UBALD1: variants seen among roughly 807,000 people sequenced by gnomAD.
UBALD1 encodes the protein UBA-like domain-containing protein 1.
A neutral mutation model predicts 16.1 loss-of-function variants in UBALD1; 5 were observed. That is an observed-to-expected ratio of 0.31 (90% CI 0.16 to 0.66). The LOEUF (loss-of-function observed/expected upper bound fraction) is 0.66. Among genes scored for constraint, UBALD1 ranks in the 30% least tolerant of loss-of-function variants. The pLI, the probability that UBALD1 is intolerant of heterozygous loss-of-function variation, is 0.77. For synonymous variants in UBALD1, 146 were observed against 105.3 expected (o/e 1.39, Z -2.37); for missense variants, 220 against 252.8 (o/e 0.87, Z 0.88).
chr16:4,614,275 C>T (rs551109519), intron 1 of UBALD1: 2 of 354,800 alleles, frequency 5.6e-6, no homozygotes, highest in South Asian at 3.0e-4. Context: ...GACCCTCGGA[C>T]CACTCGCCCG....
intron 2 of UBALD1, 177 bp from the exon 3 acceptor site, chr16:4,610,160 G>A (rs142066498): frequency 4.0e-5 from 29 of 729,142 alleles, no homozygotes; most frequent in Non-Finnish European, 6.3e-5. Context: ...GAGATGAACC[G>A]ACCCAGCCTC....
chr16:4,614,475 C>T, intron 1 of UBALD1: 2 of 801,020 alleles, frequency 2.5e-6, no homozygotes, highest in Non-Finnish European at 3.5e-6. Context: ...TATCCCCGAC[C>T]GGTGGCCCGG....
chr16:4,610,209 T>C (rs1279956191), intron 2 of UBALD1: 2 of 712,208 alleles, frequency 2.8e-6, no homozygotes, highest in African/African-American at 1.7e-5. Context: ...CACGAGGCTT[T>C]CCCAGCCCAC....
chr16:4,609,904 G>C lies in UBALD1; in HGVS notation c.263C>G (p.Ser88Cys). 1 of 1,591,624 alleles carries C rather than the reference G, an allele frequency of 6.3e-7. No homozygotes were observed. Among genetic ancestry groups the C allele is most frequent in the Non-Finnish European group, 8.6e-7 (1 of 1,168,612 alleles). Residue 88 changes from serine to cysteine, a missense_variant, in exon 3 of 3, where the codon TCC becomes TGC. Ser to Cys is a moderately radical substitution (Grantham distance 112). Transcript: ENST00000283474. Reference protein sequence around the residue: ...ALTMFSRLKASESFHSGGSGS... With the variant: ...ALTMFSRLKACESFHSGGSGS... Reference sequence around the variant, plus strand: ...GCTGCCACCGCTGTGGAAGCTCTCGGAGGCCTTGAGACGGGAGAACATGGT... The same window carrying C: ...GCTGCCACCGCTGTGGAAGCTCTCGCAGGCCTTGAGACGGGAGAACATGGT...
intron 1 of UBALD1, among the ~76,000 whole-genome samples, chr16:4,612,486 A>G (rs1897370538): frequency 6.6e-6 from 1 of 151,904 alleles, no homozygotes; most frequent in African/African-American, 2.4e-5. Context: ...ACCTTCCCAG[A>G]CCCCAAGACC....
intron 2 of UBALD1, 57 bp from the exon 3 acceptor site, chr16:4,610,040 C>A (rs1300606923): frequency 2.2e-6 from 3 of 1,343,246 alleles, no homozygotes; most frequent in Non-Finnish European, 3.1e-6. Context: ...GGGGCCCCCA[C>A]TGCCTCCCAA....
chr16:4,610,119 G>A (rs879692916), intron 2 of UBALD1, 136 bp from the exon 3 acceptor site: 72 of 795,216 alleles, frequency 9.1e-5, no homozygotes, highest in Non-Finnish European at 1.0e-4. Flanking sequence ...AAGCCTGTCC[G>A]CCGCCCAGGG....
chr16:4,614,337 T>TCCGG (rs1024859119), intron 1 of UBALD1: 25 of 365,954 alleles, frequency 6.8e-5, no homozygotes, highest in Non-Finnish European at 1.0e-4. Context: ...GCGTCCTCCT[T>TCCGG]CCGGCCGCCC....
chr16:4,610,250 G>C (rs756174878), intron 2 of UBALD1: 1 of 712,712 alleles, frequency 1.4e-6, no homozygotes, highest in Non-Finnish European at 2.5e-6. Context: ...ATCCCCGGGG[G>C]CTGTAGGGTA....
intron 1 of UBALD1, among the ~76,000 whole-genome samples, chr16:4,613,201 G>A (rs1312472755): frequency 6.6e-6 from 1 of 152,178 alleles, no homozygotes; most frequent in Non-Finnish European, 1.5e-5. Flanking sequence ...GATGAGGGCT[G>A]TGGAGACCAG....
chr16:4,614,777 C>T lies in UBALD1; in HGVS notation c.21G>A (p.Glu7=). MSVNMD[E]LKHQVMINQF... ...GGTTGATCATGACCTGGTGCTTGAG[C>T]TCGTCCATGTTCACGGACATGGCGC... Residue 7 remains glutamate (E), a synonymous_variant, in exon 1 of 3, where the codon GAG becomes GAA. Transcript: ENST00000283474. 2 of 1,535,050 alleles carry T rather than the reference C, an allele frequency of 1.3e-6. No individual in the cohort carries two copies. The highest frequency in any genetic ancestry group is 1.7e-6 in the Non-Finnish European group (2 of 1,143,020).
rs1368503942 is a variant in UBALD1, at chr16:4,614,815, C to A, written c.-18G>T. Reference sequence around the variant, plus strand: ...ACGGACATGGCGCCGCCGCGCTGCCCGCTCCGGCCTCCCTCCTCCGCCCGC... The same window carrying A: ...ACGGACATGGCGCCGCCGCGCTGCCAGCTCCGGCCTCCCTCCTCCGCCCGC... On this transcript the variant is annotated 5_prime_UTR_variant, in exon 1 of 3. Transcript: ENST00000283474. 2.0e-6 allele frequency: 3 copies of A among 1,493,758 alleles called. No homozygotes were observed. The highest frequency in any genetic ancestry group is 2.7e-6 in the Non-Finnish European group (3 of 1,122,058). 92.5% of individuals were successfully genotyped at this position (1,493,758 alleles called of 1,614,324 possible). A position where few individuals can be genotyped will look rare whatever the true frequency, so the allele number is the denominator to read the frequency against.
At chr16:4,611,402 G>C (rs1198283183) in intron 1 of UBALD1, 1 of 152,422 alleles carries the variant, frequency 6.6e-6, no homozygotes, top group African/African-American at 2.4e-5. Flanking sequence ...ACCCGCCCTT[G>C]GCTGGCACCA....
rs114171685 is a variant in UBALD1 at position 4,611,897 on chromosome 16, G to C, written c.121-1342C>G. Among the ~76,000 whole-genome samples, 253 of 152,194 alleles carry C rather than the reference G, an allele frequency of 1.7e-3. 2 individuals carry two copies. Among genetic ancestry groups the C allele is most frequent in the African/African-American group, 5.5e-3 (230 of 41,542 alleles). On this transcript the variant is annotated intron_variant, in intron 1 of 2. Coordinates refer to ENST00000283474, the MANE Select transcript of UBALD1 (RefSeq NM_145253.3). ...GGGGCCCTGCCAAGTCCCAGGCCCA[G>C]ACTTGGAGCTTCAAGCCGCCGAGGT...
intron 2 of UBALD1, chr16:4,610,187 G>A (rs562803568): frequency 2.5e-5 from 18 of 714,638 alleles, no homozygotes; most frequent in Non-Finnish European, 3.8e-5. Flanking sequence ...AGGAGCCCAC[G>A]GTGCCTGGGG....
In UBALD1 at chr16:4,614,845, C is replaced by G; in HGVS notation, c.-48G>C. The stretch of plus-strand genomic sequence containing the variant: ...CGGCCTCCCTCCTCCGCCCGCGCCT[C>G]CGCCTCACGCGTCCACCATTAGCGA... On this transcript the variant is annotated 5_prime_UTR_variant, in exon 1 of 3. Transcript: ENST00000283474. 2 of 1,446,744 alleles carry G rather than the reference C, an allele frequency of 1.4e-6. No individual in the cohort carries two copies. The highest frequency in any genetic ancestry group is 9.1e-7 in the Non-Finnish European group (1 of 1,096,670). 89.6% of individuals were successfully genotyped at this position (1,446,744 alleles called of 1,614,324 possible).
At position 4,614,880 on chromosome 16, in the gene UBALD1, G is replaced by A. The variant is rs540658569; in HGVS notation, c.-83C>T. On this transcript the variant is annotated 5_prime_UTR_variant, in exon 1 of 3. Coordinates refer to ENST00000283474, the MANE Select transcript of UBALD1 (RefSeq NM_145253.3). ...CGTCCACCATTAGCGAGCCGGCTCCGGCTAATACAAATATTTACTGTGCGG... is the reference window on the plus strand; with the variant it reads ...CGTCCACCATTAGCGAGCCGGCTCCAGCTAATACAAATATTTACTGTGCGG... 6.5e-5 allele frequency: 86 copies of A among 1,324,958 alleles called. No homozygotes were observed. The African/African-American group carries it at 1.1e-3, about 17-fold the overall frequency. The allele number at this position is 1,324,958 out of a possible 1,614,324, so 82.1% of individuals were successfully genotyped here. A position where few individuals can be genotyped will look rare whatever the true frequency, so the allele number is the denominator to read the frequency against.
In UBALD1 at chr16:4,609,693, C is replaced by A; in HGVS notation, c.474G>T (p.Leu158=). ...GTTCTGAGGTGGCCTGTTGGGGGGC[C>A]AGGGGTGGCCAGTCTGAAGCCGGAG... is the stretch of plus-strand genomic sequence containing the variant. ...PPSPASDWPP[L]APQQATSEPR... is the part of the protein sequence containing the mutation. The change falls in exon 3 of 3, where the codon CTG becomes CTT. Residue 158 remains leucine, a synonymous_variant. Coordinates refer to ENST00000283474, the MANE Select transcript of UBALD1 (RefSeq NM_145253.3). 1 of 1,477,384 alleles carries A rather than the reference C, an allele frequency of 6.8e-7. No individual in the cohort carries two copies. Among genetic ancestry groups the A allele is most frequent in the Non-Finnish European group, 9.0e-7 (1 of 1,116,206 alleles). 91.5% of individuals were successfully genotyped at this position (1,477,384 alleles called of 1,614,324 possible). A position where few individuals can be genotyped will look rare whatever the true frequency, so the allele number is the denominator to read the frequency against.
Position 4,609,770 on chromosome 16 carries a change from C to T in UBALD1, c.397G>A (p.Gly133Ser), listed in dbSNP as rs759030468. Residue 133 changes from glycine (G) to serine (S), a missense_variant, in exon 3 of 3, where the codon GGC (glycine) becomes AGC (serine). By Grantham distance (56) the Gly-to-Ser change is moderately conservative (BLOSUM62 0). Transcript: ENST00000283474. ...GGCTGTGGCTGGTGGTGCTGTGGGC[C>T]CCCCGGGGGCGAGGCCGCCGTGGGC... Reference protein sequence around the residue: ...SWPTAASPPGGPQHHQPQPPL... With the variant: ...SWPTAASPPGSPQHHQPQPPL... 6.6e-7 allele frequency: 1 copy of T among 1,504,428 alleles called. No individual in the cohort carries two copies. The highest frequency in any genetic ancestry group is 8.8e-7 in the Non-Finnish European group (1 of 1,130,096). 93.2% of individuals were successfully genotyped at this position (1,504,428 alleles called of 1,614,324 possible).
Sources: allele counts gnomAD v4.1 joint callset (sites outside exome capture counted in the v4.1 genomes callset), GRCh38; gene constraint gnomAD v4.1.1; transcripts MANE v1.5; gene names NCBI Gene and HGNC (gene_info 2026-07-23, HGNC 2026-07-21).